Variants in JAKMIP3 observed in about 807,000 individuals in gnomAD.
JAKMIP3 encodes the protein janus kinase and microtubule-interacting protein 3.
Under a neutral mutation model 118.5 loss-of-function variants are expected in JAKMIP3, and 58 were observed. The ratio of observed to expected loss-of-function variants is 0.49; its 90% CI spans 0.40 to 0.61. The LOEUF is 0.61. Ranked by LOEUF, JAKMIP3 falls within the 20% of genes least tolerant of loss-of-function variation. JAKMIP3 has a pLI of 0.00. For missense variants in JAKMIP3, 950 were observed against 1,109.0 expected (o/e 0.86, Z 2.04); for synonymous variants, 486 against 451.2 (o/e 1.08, Z -0.98).
In JAKMIP3 at chr10:132,184,265, C is replaced by G. The variant is rs1183140042; in HGVS notation, c.*3012C>G. On this transcript the variant is annotated 3_prime_UTR_variant, in exon 24 of 24. Transcript: ENST00000684848. ...CTGTTCCTTAAAGTCTCTGCCCTTGCAGAATCTGTAGCCTTCAGGATACCC... is the reference window on the plus strand; with the variant it reads ...CTGTTCCTTAAAGTCTCTGCCCTTGGAGAATCTGTAGCCTTCAGGATACCC... The G allele has an allele frequency of 1.3e-5, 2 of 152,230 alleles. No individual in the cohort carries two copies. The highest frequency in any genetic ancestry group is 2.9e-5 in the Non-Finnish European group (2 of 68,044). The allele number at this position is 152,230 out of a possible 1,614,324, so 9.4% of individuals were successfully genotyped here.
chr10:132,104,051 C>T (rs191255676), intron 1 of JAKMIP3, among the ~76,000 whole-genome samples: 13 of 152,266 alleles, frequency 8.5e-5, no homozygotes, highest in East Asian at 5.8e-4. Context: ...AGCGTGTGTC[C>T]GAATCTCCCT....
At chr10:132,159,518 G>C (rs759321287) in intron 19 of JAKMIP3, among the ~76,000 whole-genome samples, 96 of 105,244 alleles carry the variant, frequency 9.1e-4, no homozygotes, top group Middle Eastern at 9.1e-3. Context: ...CTGGGGGTGT[G>C]TCTTCCTGTG....
rs538367521 is a variant in JAKMIP3 at position 132,076,080 on chromosome 10, G to A, written c.-138+10019G>A. On this transcript the variant is annotated intron_variant, in intron 1 of 23. Coordinates refer to ENST00000684848, the MANE Select transcript of JAKMIP3 (RefSeq NM_001323087.2). ...TTCACGGGATCGTAGTGCATTTACA[G>A]AGTTGCACAACCACCACCACAAATT... Among the ~76,000 whole-genome samples, 13 of 152,294 alleles carry A rather than the reference G, an allele frequency of 8.5e-5. No individual in the cohort carries two copies. In the East Asian group the frequency reaches 2.1e-3, roughly 25 times the overall value.
intron 23 of JAKMIP3, among the ~76,000 whole-genome samples, chr10:132,180,719 G>GCGCA (rs2061144182): frequency 3.1e-5 from 1 of 32,542 alleles, no homozygotes; most frequent in East Asian, 2.6e-3. Context: ...GCGTGTGTGT[G>GCGCA]CGTGTGTGTG....
chr10:132,154,022 G>A (rs1187186750), intron 19 of JAKMIP3, 32 bp downstream of exon 19: 3 of 1,605,104 alleles, frequency 1.9e-6, no homozygotes, highest in East Asian at 2.2e-5. Flanking sequence ...GAACCCCGGG[G>A]AGGGGCACTG....
chr10:132,103,020 A>G (rs2045242302), intron 1 of JAKMIP3, among the ~76,000 whole-genome samples: 1 of 149,564 alleles, frequency 6.7e-6, no homozygotes, highest in African/African-American at 2.5e-5. Flanking sequence ...GCCTGTGTTC[A>G]TCAGGAAATG....
intron 21 of JAKMIP3, among the ~76,000 whole-genome samples, 187 bp downstream of exon 21, chr10:132,164,922 T>C (rs2637655): frequency 0.021 from 2,773 of 134,462 alleles, 45 homozygotes; most frequent in Middle Eastern, 0.049. Flanking sequence ...CTGAGCTGGG[T>C]GGTAGCTGCA....
At chr10:132,143,225 A>G (rs1214504374) in intron 11 of JAKMIP3, among the ~76,000 whole-genome samples, 1 of 152,102 alleles carries the variant, frequency 6.6e-6, no homozygotes, top group Non-Finnish European at 1.5e-5. Context: ...GACTTTAAAT[A>G]TCGCCTCTTT....
intron 19 of JAKMIP3, among the ~76,000 whole-genome samples, chr10:132,161,549 GGTCTCTCCCTGTGTGATGCTGGGGGGTA>G (rs2058328384): frequency 1.2e-4 from 6 of 49,148 alleles, no homozygotes; most frequent in Non-Finnish European, 2.5e-4. Flanking sequence ...TGCTGGGGGG[GGTCTCTCCCTGTGTGATGCTGGGGGGTA>G]TCTCTCCCTG....
At chr10:132,132,251 A>G (rs1398906433) in intron 3 of JAKMIP3, among the ~76,000 whole-genome samples, 2 of 152,220 alleles carry the variant, frequency 1.3e-5, no homozygotes, top group African/African-American at 2.4e-5. Context: ...TTAAACCTCA[A>G]ACAATGGGTA....
At chr10:132,167,852 C>G in intron 22 of JAKMIP3, 101 bp from the exon 23 acceptor site, 1 of 423,210 alleles carries the variant, frequency 2.4e-6, no homozygotes, top group Non-Finnish European at 3.7e-6. Context: ...GCCCCTCGCC[C>G]CTCACCCCTC....
At position 132,153,916 on chromosome 10, in the gene JAKMIP3, C is replaced by T; in HGVS notation, c.2146C>T (p.Leu716=). ...GCATGGCCCTCCTGTGTTTCAGGAG[C>T]TGTTCAGTAAGCAGAAGGGCTACCT... ...KMVDLESEKE[L]FSKQKGYLDE... The change falls in exon 19 of 24, where the codon CTG becomes TTG. Residue 716 remains leucine, a synonymous_variant. Transcript: ENST00000684848. The T allele has an allele frequency of 1.9e-6, 3 of 1,613,074 alleles. No individual in the cohort carries two copies. The highest frequency in any genetic ancestry group is 1.3e-5 in the African/African-American group (1 of 75,048).
chr10:132,132,570 G>A (rs897640350), intron 3 of JAKMIP3, among the ~76,000 whole-genome samples: 11 of 152,304 alleles, frequency 7.2e-5, no homozygotes, highest in African/African-American at 2.4e-4. Flanking sequence ...GGGGAGGGCC[G>A]CCGACCTCTC....
At chr10:132,166,394 C>T (rs577699245) in intron 21 of JAKMIP3, among the ~76,000 whole-genome samples, 1 of 152,242 alleles carries the variant, frequency 6.6e-6, no homozygotes, top group African/African-American at 2.4e-5. Flanking sequence ...CCAAGCGATG[C>T]CCCACTGCCC....
Position 132,149,484 on chromosome 10 carries a change from G to C in JAKMIP3, c.1921G>C (p.Val641Leu). 1 of 1,600,324 alleles carries C rather than the reference G, an allele frequency of 6.2e-7. No individual in the cohort carries two copies. Among genetic ancestry groups the C allele is most frequent in the Non-Finnish European group, 8.5e-7 (1 of 1,175,314 alleles). The stretch of plus-strand genomic sequence containing the variant: ...CGTGGACGGGAAGAGCCCCCTCCAG[G>C]TGTACTGCGAGGCCGAAGGTGTGAC... ...PFVDGKSPLQ[V>L]YCEAEGVTDI... is the part of the protein sequence containing the mutation. Residue 641 changes from valine (V) to leucine (L), a missense_variant, in exon 15 of 24, where the codon GTG becomes CTG. Physicochemically the swap from Val to Leu is conservative, Grantham distance 32. Transcript: ENST00000684848.
At chr10:132,143,160 C>T (rs1377197738) in intron 11 of JAKMIP3, among the ~76,000 whole-genome samples, 1 of 151,432 alleles carries the variant, frequency 6.6e-6, no homozygotes, top group African/African-American at 2.4e-5. Flanking sequence ...GGGGGGCTGG[C>T]CTTGGAGGGG....
rs2054702236 is a variant in JAKMIP3 at position 132,038,036 on chromosome 10, T to TTATAGTTTGGAGTTCATTGAGGA, written c.-138+1308_-138+1330dup. Among the ~76,000 whole-genome samples, 6 of 152,340 alleles carry TTATAGTTTGGAGTTCATTGAGGA rather than the reference T, an allele frequency of 3.9e-5. No homozygotes were observed. The South Asian group carries it at 1.2e-3, about 32-fold the overall frequency. ...AAGAAGCAACTTATGTAACAACAAG[T>TTATAGTTTGGAGTTCATTGAGGA]TATAGTTTGGAGTTCATTGAGGATA... On this transcript the variant is annotated intron_variant, in intron 1 of 23. Coordinates refer to the JAKMIP3 transcript ENST00000657785.
At chr10:132,081,795 G>T (rs2041800995) in intron 1 of JAKMIP3, among the ~76,000 whole-genome samples, 1 of 151,846 alleles carries the variant, frequency 6.6e-6, no homozygotes, top group Non-Finnish European at 1.5e-5. Context: ...CTTTCCTGAG[G>T]CACGGGAGCA....
upstream of JAKMIP3, among the ~76,000 whole-genome samples, chr10:132,064,440 G>A (rs879485100): frequency 4.6e-5 from 7 of 152,264 alleles, no homozygotes; most frequent in African/African-American, 9.6e-5. The surrounding 1 kb of genome is among the most constrained non-coding windows in gnomAD (Gnocchi z 4.4). Context: ...CGTGGACCCC[G>A]AGCCGCCGGC....
Sources: gnomAD v4.1 joint callset for allele counts (sites outside exome capture counted in the v4.1 genomes callset) on GRCh38, gnomAD v4.1.1 for gene constraint, Gnocchi (gnomAD v3.1) non-coding constraint, MANE v1.5 for transcripts, NCBI Gene and HGNC (gene_info 2026-07-23, HGNC 2026-07-21) for gene names.